PAX5: variants seen among roughly 807,000 people sequenced by gnomAD.
The protein encoded by PAX5 is paired box 5, also known as paired box protein Pax-5.
PAX5 carries 9 observed loss-of-function variants against 43.7 expected under a neutral mutation model. The observed-to-expected ratio is 0.21, with a 90% confidence interval of 0.12 to 0.36. The LOEUF (loss-of-function observed/expected upper bound fraction) is 0.36, where lower values mean the gene tolerates loss of function less well. PAX5 is among the 10% of genes least tolerant of loss of function. The pLI is 1.00. For missense variants in PAX5, 383 were observed against 532.7 expected, an observed-to-expected ratio of 0.72 and a Z score of 2.77; for synonymous variants, 228 against 214.3, an observed-to-expected ratio of 1.06 and a Z score of -0.56.
intron 8 of PAX5, among the ~76,000 whole-genome samples, chr9:36,858,106 T>C (rs1823850520): frequency 6.6e-6 from 1 of 152,230 alleles, no homozygotes; most frequent in Admixed American, 6.5e-5. Context: ...ATTTGCAGTA[T>C]GGTAATTACA....
At chr9:36,893,335 C>T in intron 7 of PAX5, 1 of 151,800 alleles carries the variant, frequency 6.6e-6, no homozygotes, top group Non-Finnish European at 1.5e-5. Context: ...ACTCAGAGCT[C>T]ATGTCCCCAC....
At chr9:36,922,139 A>G (rs1830222123) in intron 7 of PAX5, among the ~76,000 whole-genome samples, 2 of 152,150 alleles carry the variant, frequency 1.3e-5, no homozygotes, top group African/African-American at 4.8e-5. Context: ...CCTGAGCCTC[A>G]GTGCTGACCC....
At chr9:37,000,097 T>C (rs1484454732) in intron 5 of PAX5, among the ~76,000 whole-genome samples, 1 of 152,056 alleles carries the variant, frequency 6.6e-6, no homozygotes, top group Admixed American at 6.5e-5. Context: ...AAAACGGAAG[T>C]GACAGTCTCT....
intron 7 of PAX5, among the ~76,000 whole-genome samples, chr9:36,891,415 G>A (rs1403736780): frequency 2.6e-5 from 4 of 152,250 alleles, no homozygotes; most frequent in East Asian, 1.9e-4. Context: ...GTGTGTACAC[G>A]TAGTGCATAC....
At chr9:36,909,782 T>G (rs1350526025) in intron 7 of PAX5, among the ~76,000 whole-genome samples, 1 of 151,934 alleles carries the variant, frequency 6.6e-6, no homozygotes, top group Non-Finnish European at 1.5e-5. Context: ...GGCCGAGTCT[T>G]ACTTTTTTTC....
At chr9:36,926,990 C>T (rs1830697242) in intron 6 of PAX5, among the ~76,000 whole-genome samples, 1 of 152,138 alleles carries the variant, frequency 6.6e-6, no homozygotes, top group African/African-American at 2.4e-5. Flanking sequence ...ATCCCTAACT[C>T]CCAAGACTGA....
At chr9:36,843,154 G>A (rs937004177) in intron 9 of PAX5, among the ~76,000 whole-genome samples, 3 of 152,026 alleles carry the variant, frequency 2.0e-5, no homozygotes, top group African/African-American at 7.3e-5. Context: ...ATGTGTGTGT[G>A]TAGGGTTCTC....
intron 8 of PAX5, among the ~76,000 whole-genome samples, chr9:36,848,694 G>A (rs1431798134): frequency 6.6e-6 from 1 of 152,152 alleles, no homozygotes; most frequent in Non-Finnish European, 1.5e-5. Context: ...GCCGAGCCCA[G>A]GGCATTGGGC....
In PAX5 at chr9:36,955,906, A is replaced by G. The variant is rs765882392; in HGVS notation, c.780+10643T>C. Among the ~76,000 whole-genome samples, 29 of 152,174 alleles carry G rather than the reference A, an allele frequency of 1.9e-4. 2 individuals are homozygous for G. In the South Asian group the frequency reaches 2.1e-3, roughly 11 times the overall value. ...TCAGATCTTGTTATAAGAATCAGAA[A>G]TCTACGTTCTTTTTTAAAAAATAAT... On this transcript the variant is annotated intron_variant, in intron 6 of 9. Transcript: ENST00000358127.
chr9:37,031,253 T>G (rs1418649444), intron 1 of PAX5, among the ~76,000 whole-genome samples: 1 of 152,190 alleles, frequency 6.6e-6, no homozygotes, highest in Admixed American at 6.5e-5. Context: ...GGGACTACTC[T>G]CTCTCCCAAA....
rs1292664842 is a variant in PAX5, at chr9:37,034,044, G to C, written c.-13C>G. The C allele has an allele frequency of 6.4e-7, 1 of 1,562,440 alleles. No individual in the cohort carries two copies. ...TCTCTAAATCCATTTTGATTTTTCAGGACTTGATGGAATGGACAGGGAAAA... is the reference window on the plus strand; with the variant it reads ...TCTCTAAATCCATTTTGATTTTTCACGACTTGATGGAATGGACAGGGAAAA... On this transcript the variant is annotated 5_prime_UTR_variant, in exon 1 of 10. Transcript: ENST00000358127.
intron 7 of PAX5, among the ~76,000 whole-genome samples, chr9:36,890,536 T>C: frequency 6.6e-6 from 1 of 152,260 alleles, no homozygotes; most frequent in South Asian, 2.1e-4. Context: ...ACCCCCTCTC[T>C]GGGCCTTGGT....
chr9:36,966,391 A>T (rs1834438734), intron 6 of PAX5, among the ~76,000 whole-genome samples, 158 bp downstream of exon 6: 1 of 152,212 alleles, frequency 6.6e-6, no homozygotes, highest in South Asian at 2.1e-4. Context: ...TATAGGATGT[A>T]GCGACTGCCC....
chr9:36,934,816 T>C (rs1243358914), intron 6 of PAX5, among the ~76,000 whole-genome samples: 4 of 152,204 alleles, frequency 2.6e-5, no homozygotes, highest in African/African-American at 9.7e-5. Context: ...TTCATAAGGA[T>C]GAGACAGTGT....
At chr9:36,841,224 G>C (rs1822017223) in intron 9 of PAX5, among the ~76,000 whole-genome samples, 1 of 152,216 alleles carries the variant, frequency 6.6e-6, no homozygotes, top group Non-Finnish European at 1.5e-5. Context: ...ACTCCTTGCA[G>C]CTGTCTCATA....
intron 6 of PAX5, 122 bp from the exon 7 acceptor site, chr9:36,923,606 A>G: frequency 1.8e-6 from 2 of 1,140,024 alleles, no homozygotes; most frequent in Non-Finnish European, 2.5e-6. Context: ...CAAGGCCCAC[A>G]AGGGGCTCAT....
intron 7 of PAX5, among the ~76,000 whole-genome samples, chr9:36,890,180 C>T (rs180882232): frequency 2.6e-5 from 4 of 152,188 alleles, no homozygotes; most frequent in African/African-American, 7.2e-5. Flanking sequence ...ACCAAACTCC[C>T]CCTCCATCTA....
intron 4 of PAX5, among the ~76,000 whole-genome samples, chr9:37,004,355 T>G (rs755784052): frequency 1.1e-4 from 16 of 152,246 alleles, no homozygotes; most frequent in Non-Finnish European, 2.1e-4. Context: ...AATTCTTTTT[T>G]GATTCATTAA....
chr9:36,930,288 A>G (rs1038357723), intron 6 of PAX5, among the ~76,000 whole-genome samples: 1 of 143,490 alleles, frequency 7.0e-6, no homozygotes, highest in African/African-American at 2.7e-5. Flanking sequence ...CAGTGTCACA[A>G]TCATGGCTCA....
Sources: allele counts gnomAD v4.1 joint callset (sites outside exome capture counted in the v4.1 genomes callset), GRCh38; gene constraint gnomAD v4.1.1; transcripts MANE v1.5; gene names NCBI Gene and HGNC (gene_info 2026-07-23, HGNC 2026-07-21).